The following NSD2 variants were observed in gnomAD, a reference collection of about 807,000 sequenced individuals.
NSD2 encodes nuclear receptor binding SET domain protein 2.
A neutral mutation model predicts 139.0 loss-of-function variants in NSD2; 12 were observed. The observed-to-expected ratio is 0.09, with a 90% CI of 0.06 to 0.14. The LOEUF (loss-of-function observed/expected upper bound fraction) is 0.14, where lower values mean the gene tolerates loss of function less well. Ranked by LOEUF, NSD2 falls within the 10% of genes least tolerant of loss-of-function variation. The pLI is 1.00. For missense variants in NSD2, 1,155 were observed against 1,745.0 expected, an observed-to-expected ratio of 0.66 and a Z score of 6.02; for synonymous variants, 669 against 648.7, an observed-to-expected ratio of 1.03 and a Z score of -0.48.
intron 9 of NSD2, chr4:1,939,988 C>A (rs541272408): frequency 1.4e-6 from 2 of 1,422,296 alleles, no homozygotes; most frequent in East Asian, 5.1e-5. Flanking sequence ...TTTATACACA[C>A]GCACACAGTG....
chr4:1,884,476 C>T (rs1321681047), intron 1 of NSD2, among the ~76,000 whole-genome samples: 2 of 152,120 alleles, frequency 1.3e-5, no homozygotes, highest in Admixed American at 1.3e-4. Context: ...TCACTGCAAC[C>T]TCCAGCTCCC....
chr4:1,915,997 G>A (rs1269856588), intron 3 of NSD2, among the ~76,000 whole-genome samples: 2 of 152,004 alleles, frequency 1.3e-5, no homozygotes, highest in Non-Finnish European at 1.5e-5. Context: ...TTTTGGGCCC[G>A]TCTCTTTCTT....
Position 1,978,987 on chromosome 4 carries a change from C to G in NSD2, c.*78C>G. ...GCCTGCGGGAGAGGGCGAGCATGAACTGGCCCGGAGGACCCAGCTCGAGCC... is the reference window on the plus strand; with the variant it reads ...GCCTGCGGGAGAGGGCGAGCATGAAGTGGCCCGGAGGACCCAGCTCGAGCC... On this transcript the variant is annotated 3_prime_UTR_variant, in exon 22 of 22. Coordinates refer to ENST00000508803, the MANE Select transcript of NSD2 (RefSeq NM_001042424.3). 1 of 1,431,640 alleles carries G rather than the reference C, an allele frequency of 7.0e-7. No homozygotes were observed. Among genetic ancestry groups the G allele is most frequent in the South Asian group, 1.5e-5 (1 of 64,890 alleles). 88.7% of individuals were successfully genotyped at this position (1,431,640 alleles called of 1,614,324 possible). A position where few individuals can be genotyped will look rare whatever the true frequency, so the allele number is the denominator to read the frequency against.
At chr4:1,968,046 A>T (rs1726068530) in intron 18 of NSD2, among the ~76,000 whole-genome samples, 1 of 152,200 alleles carries the variant, frequency 6.6e-6, no homozygotes, top group Non-Finnish European at 1.5e-5. Flanking sequence ...TGCAAACCAA[A>T]TTGGCAGCAT....
intron 1 of NSD2, among the ~76,000 whole-genome samples, chr4:1,890,323 G>A (rs1267480773): frequency 1.3e-5 from 2 of 151,538 alleles, no homozygotes; most frequent in Non-Finnish European, 2.9e-5. Flanking sequence ...TTTTGAGATG[G>A]CGTCTCGCTC....
chr4:1,973,384 GCCC>G lies in NSD2; in HGVS notation c.3373-1477_3373-1475del, dbSNP rs774461679. Among the ~76,000 whole-genome samples, 6 of 152,192 alleles carry G rather than the reference GCCC, an allele frequency of 3.9e-5. No homozygotes were observed. Among genetic ancestry groups the G allele is most frequent in the Non-Finnish European group, 8.8e-5 (6 of 68,026 alleles). On this transcript the variant is annotated intron_variant, in intron 18 of 21. Transcript: ENST00000508803. The surrounding 1 kb of genome is among the most constrained non-coding windows in gnomAD (Gnocchi z 5.5). Reference sequence around the variant, plus strand: ...CATTGGTGGCATGTCCCATGTGCATGCCCCGTGCTGTCCTCGTCCCCAGGGCCC... The same window carrying G: ...CATTGGTGGCATGTCCCATGTGCATGCGTGCTGTCCTCGTCCCCAGGGCCC...
chr4:1,970,973 C>T (rs762579850), intron 18 of NSD2, among the ~76,000 whole-genome samples: 5 of 152,204 alleles, frequency 3.3e-5, no homozygotes, highest in Non-Finnish European at 7.3e-5. Context: ...AAAATGGGCT[C>T]GCTTACTTTT....
At chr4:1,937,778 G>T (rs1026437627) in intron 7 of NSD2, among the ~76,000 whole-genome samples, 2 of 152,168 alleles carry the variant, frequency 1.3e-5, no homozygotes, top group African/African-American at 4.8e-5. Flanking sequence ...CATTCCCTGG[G>T]CAGCGCTGCT....
At chr4:1,895,525 T>C (rs1716152012) in intron 1 of NSD2, among the ~76,000 whole-genome samples, 1 of 152,182 alleles carries the variant, frequency 6.6e-6, no homozygotes, top group African/African-American at 2.4e-5. Context: ...CTCAACTGAG[T>C]TTTTAATTTC....
Position 1,907,593 on chromosome 4 carries a change from T to A in NSD2, c.760+3215T>A, listed in dbSNP as rs539810468. 4.6e-5 allele frequency among the ~76,000 whole-genome samples: 7 copies of A among 151,278 alleles called. No individual in the cohort carries two copies. The South Asian group carries it at 1.3e-3, about 27-fold the overall frequency. On this transcript the variant is annotated intron_variant, in intron 3 of 21. Transcript: ENST00000508803. ...CATCTAGATTCTCCACCTTGAAACATCTTGTTCTACCTGTTGAATCTCTTT... is the reference window on the plus strand; with the variant it reads ...CATCTAGATTCTCCACCTTGAAACAACTTGTTCTACCTGTTGAATCTCTTT...
In NSD2 at chr4:1,975,202, AAG is replaced by A. The variant is rs1280634682; in HGVS notation, c.3515-89_3515-88del. 6 of 1,414,350 alleles carry A rather than the reference AAG, an allele frequency of 4.2e-6. No homozygotes were observed. In the Admixed American group the frequency reaches 1.1e-4, roughly 26 times the overall value. The allele number at this position is 1,414,350 out of a possible 1,614,324, so 87.6% of individuals were successfully genotyped here. A position where few individuals can be genotyped will look rare whatever the true frequency, so the allele number is the denominator to read the frequency against. On this transcript the variant is annotated intron_variant, in intron 19 of 21. Transcript: ENST00000508803. ...AAGCCAGTACAGATACAAAAATAAT[AAG>A]AGTATTTTTGTTGACCTAATACACG... is the stretch of plus-strand genomic sequence containing the variant.
At chr4:1,887,265 G>C (rs1020795920) in intron 1 of NSD2, among the ~76,000 whole-genome samples, 8 of 152,144 alleles carry the variant, frequency 5.3e-5, no homozygotes, top group Non-Finnish European at 8.8e-5. Flanking sequence ...GGGAGGAAGT[G>C]AGATCTGCCA....
chr4:1,888,941 A>G (rs765969909), intron 1 of NSD2, among the ~76,000 whole-genome samples: 30 of 148,094 alleles, frequency 2.0e-4, no homozygotes, highest in Non-Finnish European at 3.4e-4. Flanking sequence ...TCTGTTGGCC[A>G]GGGTGGAGTG....
At chr4:1,938,593 T>TGGGGGGGG in intron 8 of NSD2, 61 bp downstream of exon 8, 5 of 515,342 alleles carry the variant, frequency 9.7e-6, no homozygotes, top group East Asian at 4.4e-5. Flanking sequence ...GCTGGGTGGG[T>TGGGGGGGG]GGGCTGAGAG....
rs373627642 is a variant in NSD2, at chr4:1,901,266, T to C, written c.597+15T>C. Reference sequence around the variant, plus strand: ...CAGATAAAAAGGTATTTAGGAGACGTTGTGTAAGGGGTCATGTGACCTTGA... The same window carrying C: ...CAGATAAAAAGGTATTTAGGAGACGCTGTGTAAGGGGTCATGTGACCTTGA... On this transcript the variant is annotated intron_variant, in intron 2 of 21. Transcript: ENST00000508803. The C allele has an allele frequency of 1.2e-4, 187 of 1,546,154 alleles. No individual in the cohort carries two copies. The highest frequency in any genetic ancestry group is 1.6e-4 in the Non-Finnish European group (180 of 1,151,984).
chr4:1,889,527 G>A (rs1295983315), intron 1 of NSD2, among the ~76,000 whole-genome samples: 1 of 151,060 alleles, frequency 6.6e-6, no homozygotes, highest in Non-Finnish European at 1.5e-5. Context: ...TTGAGTCGGA[G>A]TTTTGCTGTT....
intron 11 of NSD2, 43 bp from the exon 12 acceptor site, chr4:1,953,281 T>G: frequency 1.2e-6 from 2 of 1,614,242 alleles, no homozygotes; most frequent in Non-Finnish European, 8.5e-7. Flanking sequence ...TAATTCTTGT[T>G]CTTTGCACCT....
In NSD2 at chr4:1,955,382, TC is replaced by T; in HGVS notation, c.2518+45del. 6.4e-7 allele frequency: 1 copy of T among 1,572,822 alleles called. No homozygotes were observed. Among genetic ancestry groups the T allele is most frequent in the Non-Finnish European group, 8.7e-7 (1 of 1,155,862 alleles). On this transcript the variant is annotated intron_variant, in intron 13 of 21. Transcript: ENST00000508803. The surrounding 1 kb of genome is among the most constrained non-coding windows in gnomAD (Gnocchi z 4.7). ...TGTCTGCGGCACACGCCTCTCACAC[TC>T]CCAGGAGCCACATATCAAGGCAGGC...
intron 7 of NSD2, among the ~76,000 whole-genome samples, chr4:1,937,864 C>T (rs1722588923): frequency 6.6e-6 from 1 of 152,200 alleles, no homozygotes; most frequent in Non-Finnish European, 1.5e-5. Context: ...TTCATGATCC[C>T]TTCTCCCATT....
Sources: allele counts gnomAD v4.1 joint callset (sites outside exome capture counted in the v4.1 genomes callset), GRCh38; gene constraint gnomAD v4.1.1; non-coding constraint Gnocchi (gnomAD v3.1); transcripts MANE v1.5; gene names NCBI Gene and HGNC (gene_info 2026-07-23, HGNC 2026-07-21).